The following CEP170 variants were observed in gnomAD, a reference collection of about 807,000 sequenced individuals.
The protein encoded by CEP170 is centrosomal protein of 170 kDa.
CEP170 carries 21 observed loss-of-function variants against 151.9 expected under a neutral mutation model. The observed-to-expected ratio is 0.14, with a 90% CI of 0.10 to 0.20. CEP170 has a LOEUF of 0.20. Among genes scored for constraint, CEP170 ranks in the 10% least tolerant of loss-of-function variants. The pLI is 1.00. For missense variants in CEP170, 964 were observed against 1,892.9 expected (o/e 0.51, Z 9.11); for synonymous variants, 356 against 648.8 (o/e 0.55, Z 6.86).
In CEP170 at chr1:243,160,164, AATTT is replaced by A. The variant is rs551367784; in HGVS notation, c.3677-3713_3677-3710del. Among the ~76,000 whole-genome samples the A allele has an allele frequency of 4.4e-4, 67 of 152,262 alleles. 1 individual carries two copies. The East Asian group carries it at 0.01, about 23-fold the overall frequency. ...TGATATCTACCTGTGTTGAAGAAAA[AATTT>A]ATTTCTTTCTCTTGAATTTTATTCA... On this transcript the variant is annotated intron_variant, in intron 13 of 19. Transcript: ENST00000366542.
At chr1:243,223,870 A>C (rs1196455971) in intron 2 of CEP170, among the ~76,000 whole-genome samples, 1 of 152,240 alleles carries the variant, frequency 6.6e-6, no homozygotes, top group Non-Finnish European at 1.5e-5. Context: ...TGAAAAAAAA[A>C]TTCCTATGTT....
chr1:243,135,111 C>A (rs1159325587), intron 17 of CEP170, among the ~76,000 whole-genome samples: 2 of 152,094 alleles, frequency 1.3e-5, no homozygotes, highest in Non-Finnish European at 2.9e-5. Flanking sequence ...CAAGACGGTG[C>A]AGAATACATT....
chr1:243,158,999 G>C (rs1285327619), intron 13 of CEP170, among the ~76,000 whole-genome samples: 2 of 152,074 alleles, frequency 1.3e-5, no homozygotes, highest in African/African-American at 4.8e-5. Flanking sequence ...CCCTGGAGTC[G>C]GAGGGTGCAG....
At chr1:243,218,577 G>A (rs1302368857) in intron 3 of CEP170, among the ~76,000 whole-genome samples, 1 of 152,220 alleles carries the variant, frequency 6.6e-6, no homozygotes, top group Non-Finnish European at 1.5e-5. Flanking sequence ...GGGCTAGGGT[G>A]AAAGGGGACA....
intron 1 of CEP170, among the ~76,000 whole-genome samples, chr1:243,249,898 T>C (rs1411797342): frequency 6.6e-6 from 1 of 152,150 alleles, no homozygotes; most frequent in Non-Finnish European, 1.5e-5. Flanking sequence ...CTGGCCAACA[T>C]GGTGAAACCC....
At chr1:243,233,459 C>T (rs1003683766) in intron 1 of CEP170, among the ~76,000 whole-genome samples, 3 of 152,000 alleles carry the variant, frequency 2.0e-5, no homozygotes, top group Non-Finnish European at 4.4e-5. Context: ...TCAGGCCAGG[C>T]GCGGTGGCTC....
chr1:243,179,111 A>AT (rs1454190455), intron 10 of CEP170, among the ~76,000 whole-genome samples: 1 of 152,026 alleles, frequency 6.6e-6, no homozygotes, highest in Non-Finnish European at 1.5e-5. Context: ...GATTCTCCCC[A>AT]TTACTTAGAA....
intron 3 of CEP170, among the ~76,000 whole-genome samples, chr1:243,212,314 C>T (rs556133514): frequency 4.6e-5 from 7 of 152,046 alleles, no homozygotes; most frequent in Non-Finnish European, 8.8e-5. Context: ...TTGCTCAACC[C>T]AATTTTAGCT....
chr1:243,177,556 C>A (rs1368183978), intron 10 of CEP170, among the ~76,000 whole-genome samples: 1 of 152,158 alleles, frequency 6.6e-6, no homozygotes, highest in East Asian at 1.9e-4. Context: ...AGAGCAGGGT[C>A]TCTGTTGGAT....
intron 10 of CEP170, among the ~76,000 whole-genome samples, chr1:243,180,147 T>A (rs891889406): frequency 6.6e-6 from 1 of 152,092 alleles, no homozygotes; most frequent in African/African-American, 2.4e-5. Flanking sequence ...AAGGAATAAA[T>A]AAAATGAATT....
At position 243,185,660 on chromosome 1, in the gene CEP170, C is replaced by T. The variant is rs2059895696; in HGVS notation, c.1566+119G>A. On this transcript the variant is annotated intron_variant, in intron 10 of 19. Transcript: ENST00000366542. The surrounding 1 kb of genome is among the most constrained non-coding windows in gnomAD (Gnocchi z 4.9). ...TAAGTCTTGCAGTTCCCTAACAAAA[C>T]CCTAAAATTCACATACCACTGACTG... is the stretch of plus-strand genomic sequence containing the variant. 1 of 1,400,704 alleles carries T rather than the reference C, an allele frequency of 7.1e-7. No individual in the cohort carries two copies. The highest frequency in any genetic ancestry group is 2.5e-5 in the Admixed American group (1 of 40,668). The allele number at this position is 1,400,704 out of a possible 1,614,324, so 86.8% of individuals were successfully genotyped here.
chr1:243,172,497 C>G (rs1052240109), intron 11 of CEP170, among the ~76,000 whole-genome samples, 200 bp downstream of exon 11: 5 of 152,060 alleles, frequency 3.3e-5, no homozygotes, highest in African/African-American at 1.2e-4. Flanking sequence ...CCGGGCATGG[C>G]GGTGCACGCC....
At chr1:243,181,174 G>T (rs926010258) in intron 10 of CEP170, among the ~76,000 whole-genome samples, 1 of 152,166 alleles carries the variant, frequency 6.6e-6, no homozygotes, top group Non-Finnish European at 1.5e-5. Context: ...TATCTCTTTT[G>T]ATGGAAGAGT....
At chr1:243,150,302 C>T (rs1031947242) in intron 14 of CEP170, among the ~76,000 whole-genome samples, 3 of 152,080 alleles carry the variant, frequency 2.0e-5, no homozygotes, top group Admixed American at 6.5e-5. Context: ...AGGTGCATGC[C>T]ATCACACCCG....
At chr1:243,141,635 T>C (rs2055845996) in intron 15 of CEP170, among the ~76,000 whole-genome samples, 1 of 152,200 alleles carries the variant, frequency 6.6e-6, no homozygotes, top group African/African-American at 2.4e-5. Flanking sequence ...AAGAGTACCA[T>C]TAATTTTGTA....
At chr1:243,248,269 A>G (rs540110514) in intron 1 of CEP170, among the ~76,000 whole-genome samples, 1 of 152,334 alleles carries the variant, frequency 6.6e-6, no homozygotes, top group Admixed American at 6.5e-5. Context: ...TATCTCTAAA[A>G]ATACTTCCTT....
In CEP170 at chr1:243,191,438, C is replaced by T. The variant is rs1048882370; in HGVS notation, c.688G>A (p.Val230Ile). The T allele has an allele frequency of 4.9e-5, 76 of 1,552,056 alleles. No homozygotes were observed. The highest frequency in any genetic ancestry group is 6.0e-5 in the Non-Finnish European group (69 of 1,145,868). ...EEQSAAANEE[V>I]LFPFCREPSY... is the part of the protein sequence containing the mutation. The stretch of plus-strand genomic sequence containing the variant: ...GGTTCCCTACAGAAAGGAAAAAGTA[C>T]TTCTTCATTTGCAGCTGCAGATTGT... The change falls in exon 8 of 20, where the codon GTA (valine) becomes ATA (isoleucine). Residue 230 changes from valine to isoleucine, a missense_variant. Val to Ile is a conservative substitution (Grantham distance 29). Coordinates refer to ENST00000366542, the MANE Select transcript of CEP170 (RefSeq NM_014812.3).
At chr1:243,192,404 T>C (rs970782489) in intron 7 of CEP170, among the ~76,000 whole-genome samples, 1 of 151,958 alleles carries the variant, frequency 6.6e-6, no homozygotes, top group Non-Finnish European at 1.5e-5. Flanking sequence ...ATAAAATACA[T>C]AAATAAAAAT....
rs774089868 is a variant in CEP170, at chr1:243,186,012, T to G, written c.1333A>C (p.Lys445Gln). 1.9e-5 allele frequency: 31 copies of G among 1,613,656 alleles called. No homozygotes were observed. Among genetic ancestry groups the G allele is most frequent in the Non-Finnish European group, 2.4e-5 (28 of 1,179,708 alleles). ...ATTGACACCGATGGCTCCTCTGATT[T>G]CTGTTTTAACAATTTCCCATGTGGA... Reference protein sequence around the residue: ...GVPHGKLLKQKSEEPSVSIPF... With the variant: ...GVPHGKLLKQQSEEPSVSIPF... The change falls in exon 10 of 20, where the codon AAA (lysine) becomes CAA (glutamine). Residue 445 changes from lysine to glutamine, a missense_variant. Coordinates refer to ENST00000366542, the MANE Select transcript of CEP170 (RefSeq NM_014812.3).
Sources: gnomAD v4.1 joint callset for allele counts (sites outside exome capture counted in the v4.1 genomes callset) on GRCh38, gnomAD v4.1.1 for gene constraint, Gnocchi (gnomAD v3.1) non-coding constraint, MANE v1.5 for transcripts, NCBI Gene and HGNC (gene_info 2026-07-23, HGNC 2026-07-21) for gene names.